Variants in TLK1 observed in about 807,000 individuals in gnomAD.
TLK1 encodes serine/threonine-protein kinase tousled-like 1.
TLK1 carries 24 observed loss-of-function variants against 105.3 expected under a neutral mutation model. That is an observed-to-expected ratio of 0.23 (90% CI 0.17 to 0.32). The LOEUF is 0.32. Ranked by LOEUF, TLK1 falls within the 10% of genes least tolerant of loss-of-function variation. The pLI is 1.00. For missense variants in TLK1, 558 were observed against 910.5 expected, an observed-to-expected ratio of 0.61 and a Z score of 4.98; for synonymous variants, 321 against 310.4, an observed-to-expected ratio of 1.03 and a Z score of -0.36.
chr2:171,012,673 T>A (rs1181986035), intron 13 of TLK1, among the ~76,000 whole-genome samples: 1 of 152,108 alleles, frequency 6.6e-6, no homozygotes, highest in Non-Finnish European at 1.5e-5. Flanking sequence ...AAGACGGGGT[T>A]TCACCATATT....
chr2:171,097,210 G>A (rs193256048), intron 2 of TLK1, among the ~76,000 whole-genome samples: 25 of 152,282 alleles, frequency 1.6e-4, no homozygotes, highest in South Asian at 2.1e-4. Flanking sequence ...CAAAAGTGCC[G>A]AGAACACACA....
chr2:171,151,344 A>C (rs1692026468), intron 1 of TLK1, among the ~76,000 whole-genome samples: 1 of 151,772 alleles, frequency 6.6e-6, no homozygotes, highest in African/African-American at 2.4e-5. Context: ...TAACTTCTCT[A>C]TGCCTCAATT....
chr2:171,131,558 TTTCA>T (rs1286204576), intron 1 of TLK1, among the ~76,000 whole-genome samples: 4 of 152,220 alleles, frequency 2.6e-5, no homozygotes, highest in Admixed American at 6.5e-5. Context: ...CCAAGACTTC[TTTCA>T]ATTATTATAT....
chr2:171,144,428 A>C (rs1691712479), intron 1 of TLK1, among the ~76,000 whole-genome samples: 1 of 152,226 alleles, frequency 6.6e-6, no homozygotes, highest in African/African-American at 2.4e-5. Context: ...CTAGACCATA[A>C]AACCAGCATC....
intron 1 of TLK1, among the ~76,000 whole-genome samples, chr2:171,136,106 T>C (rs1330782497): frequency 1.3e-5 from 2 of 152,194 alleles, no homozygotes; most frequent in Admixed American, 1.3e-4. Context: ...CAAAATGTGG[T>C]ACACACGTAC....
intron 12 of TLK1, among the ~76,000 whole-genome samples, chr2:171,023,652 C>T (rs1183707021): frequency 6.6e-6 from 1 of 152,144 alleles, no homozygotes; most frequent in African/African-American, 2.4e-5. Flanking sequence ...GTTACTGGAC[C>T]TAATAACTTT....
intron 1 of TLK1, among the ~76,000 whole-genome samples, chr2:171,145,593 A>C (rs1356484133): frequency 6.6e-6 from 1 of 151,610 alleles, no homozygotes; most frequent in East Asian, 1.9e-4. Context: ...CTGTCTCAAA[A>C]AAAAAAAAAC....
chr2:171,124,774 G>C (rs971792036), intron 1 of TLK1, among the ~76,000 whole-genome samples: 35 of 152,140 alleles, frequency 2.3e-4, no homozygotes, highest in African/African-American at 7.7e-4. Context: ...ACTTCAGATT[G>C]TACTTAGTGT....
intron 3 of TLK1, among the ~76,000 whole-genome samples, chr2:171,077,939 C>T (rs777465192): frequency 2.0e-5 from 3 of 152,148 alleles, no homozygotes; most frequent in Non-Finnish European, 4.4e-5. Context: ...TTGTGGACTC[C>T]TTGGAAGAAT....
intron 3 of TLK1, chr2:171,066,868 A>C: frequency 6.4e-7 from 1 of 1,551,680 alleles, no homozygotes; most frequent in Middle Eastern, 1.8e-4. Context: ...AAATCATACA[A>C]GAATAAAACA....
intron 1 of TLK1, among the ~76,000 whole-genome samples, chr2:171,156,784 A>G (rs1244062596): frequency 6.6e-6 from 1 of 152,160 alleles, no homozygotes; most frequent in African/African-American, 2.4e-5. Context: ...TAAGGAATGC[A>G]GTCTTTAAAT....
At position 171,058,288 on chromosome 2, in the gene TLK1, C is replaced by A. The variant is rs1687595393; in HGVS notation, c.407-91G>T. ...CGCAGGACATCAGCTATCAATTTCACAAATATGAAAATCAAATGACATTTC... is the reference window on the plus strand; with the variant it reads ...CGCAGGACATCAGCTATCAATTTCAAAAATATGAAAATCAAATGACATTTC... On this transcript the variant is annotated intron_variant, in intron 4 of 20. Transcript: ENST00000431350. The A allele has an allele frequency of 4.3e-6, 5 of 1,166,910 alleles. No homozygotes were observed. The East Asian group carries it at 1.2e-4, about 28-fold the overall frequency. 72.3% of individuals were successfully genotyped at this position (1,166,910 alleles called of 1,614,324 possible). A position where few individuals can be genotyped will look rare whatever the true frequency, so the allele number is the denominator to read the frequency against.
intron 13 of TLK1, among the ~76,000 whole-genome samples, chr2:171,013,785 T>C (rs1408216759): frequency 1.3e-5 from 2 of 152,228 alleles, no homozygotes; most frequent in Non-Finnish European, 2.9e-5. Context: ...CTGATACTTA[T>C]ATTAACTCAT....
intron 1 of TLK1, among the ~76,000 whole-genome samples, chr2:171,135,295 GTGTGTGTT>G (rs1691261768): frequency 9.4e-6 from 1 of 106,582 alleles, no homozygotes; most frequent in Admixed American, 9.1e-5. Context: ...TCCACATTAT[GTGTGTGTT>G]TGTGTGTGTG....
At chr2:171,167,418 G>A (rs1466178743) in intron 1 of TLK1, among the ~76,000 whole-genome samples, 5 of 151,928 alleles carry the variant, frequency 3.3e-5, no homozygotes, top group Admixed American at 2.0e-4. Flanking sequence ...ATCTCAACAC[G>A]CCCCCTCAAT....
At position 170,991,302 on chromosome 2, in the gene TLK1, CAG is replaced by C. The variant is rs1172276654; in HGVS notation, c.*2476_*2477del. The C allele has an allele frequency of 2.6e-5, 4 of 152,078 alleles. No individual in the cohort carries two copies. The highest frequency in any genetic ancestry group is 5.9e-5 in the Non-Finnish European group (4 of 68,014). 9.4% of individuals were successfully genotyped at this position (152,078 alleles called of 1,614,324 possible). On this transcript the variant is annotated 3_prime_UTR_variant, in exon 21 of 21. Transcript: ENST00000431350. ...GAAAACAATAAAACCCTAAAAAAAA[CAG>C]TGTCAAAGACTGTCAGAGTGACCTT...
At chr2:171,184,512 C>T (rs776302404) in intron 1 of TLK1, among the ~76,000 whole-genome samples, 10 of 151,800 alleles carry the variant, frequency 6.6e-5, no homozygotes, top group Non-Finnish European at 1.3e-4. Context: ...TGTGGTGGCT[C>T]ATGCCTGTAG....
At chr2:171,071,734 C>T (rs932414166) in intron 3 of TLK1, among the ~76,000 whole-genome samples, 1 of 152,088 alleles carries the variant, frequency 6.6e-6, no homozygotes, top group Admixed American at 6.6e-5. Flanking sequence ...CAGTCTTTAA[C>T]CCATTTTGAT....
rs567724395 is a variant in TLK1, at chr2:170,992,858, G to C, written c.*922C>G. On this transcript the variant is annotated 3_prime_UTR_variant, in exon 21 of 21. Coordinates refer to ENST00000431350, the MANE Select transcript of TLK1 (RefSeq NM_012290.5). ...AACATTTGTACAAGAATAAGCTGCT[G>C]AAACTTAGTAATTGAAATATGACAT... 1.3e-5 allele frequency: 2 copies of C among 152,700 alleles called. No individual in the cohort carries two copies. The highest frequency in any genetic ancestry group is 4.1e-4 in the South Asian group (2 of 4,828). The allele number at this position is 152,700 out of a possible 1,614,324, so 9.5% of individuals were successfully genotyped here. A position where few individuals can be genotyped will look rare whatever the true frequency, so the allele number is the denominator to read the frequency against.
Sources: allele counts gnomAD v4.1 joint callset (sites outside exome capture counted in the v4.1 genomes callset), GRCh38; gene constraint gnomAD v4.1.1; transcripts MANE v1.5; gene names NCBI Gene and HGNC (gene_info 2026-07-23, HGNC 2026-07-21).